PPP1R14C: variants seen among roughly 807,000 people sequenced by gnomAD.
PPP1R14C encodes the protein protein phosphatase 1 regulatory subunit 14C.
PPP1R14C carries 16 observed loss-of-function variants against 20.4 expected under a neutral mutation model. That is an observed-to-expected ratio of 0.78 (90% CI 0.53 to 1.19). The LOEUF (loss-of-function observed/expected upper bound fraction) is 1.19, where lower values mean the gene tolerates loss of function less well. Ranked by LOEUF, PPP1R14C falls within the 50% of genes most tolerant of loss-of-function variation. The probability of loss-of-function intolerance (pLI) is 0.00; values close to 1 mark genes in which losing one functional copy is unlikely to be tolerated. For synonymous variants in PPP1R14C, 91 were observed against 91.0 expected (o/e 1.00, Z 0.00); for missense variants, 211 against 220.1 (o/e 0.96, Z 0.26).
rs566591186 is a variant in PPP1R14C at position 150,197,771 on chromosome 6, G to A, written c.307-16973G>A. Reference sequence around the variant, plus strand: ...TGCCCGGCTTTGTGTGCCCCTGGCCGCCACGGTGGAGGAGGGCCTGGATGC... The same window carrying A: ...TGCCCGGCTTTGTGTGCCCCTGGCCACCACGGTGGAGGAGGGCCTGGATGC... On this transcript the variant is annotated intron_variant, in intron 1 of 3. Coordinates refer to ENST00000361131, the MANE Select transcript of PPP1R14C (RefSeq NM_030949.3). Among the ~76,000 whole-genome samples, 5 of 145,930 alleles carry A rather than the reference G, an allele frequency of 3.4e-5. No homozygotes were observed. The South Asian group carries it at 9.2e-4, about 27-fold the overall frequency.
Position 150,143,332 on chromosome 6 carries a change from C to T in PPP1R14C, c.140C>T (p.Ser47Leu). The change falls in exon 1 of 4, where the codon TCG becomes TTG. Residue 47 changes from serine to leucine, a missense_variant. Physicochemically the swap from Ser to Leu is moderately radical, Grantham distance 145. Coordinates refer to ENST00000361131, the MANE Select transcript of PPP1R14C (RefSeq NM_030949.3). The surrounding 1 kb of genome is among the most constrained non-coding windows in gnomAD (Gnocchi z 5.6). ...GGCTCAGGCTCCTCCCGGGAGGACTCGGCGCCCGTGGCCACGGCGGCCGCT... is the reference window on the plus strand; with the variant it reads ...GGCTCAGGCTCCTCCCGGGAGGACTTGGCGCCCGTGGCCACGGCGGCCGCT... ...SSGSGSSREDSAPVATAAAAG... is the reference protein window; with the variant it reads ...SSGSGSSREDLAPVATAAAAG... 6.2e-7 allele frequency: 1 copy of T among 1,603,252 alleles called. No homozygotes were observed. Among genetic ancestry groups the T allele is most frequent in the Non-Finnish European group, 8.5e-7 (1 of 1,176,398 alleles).
At chr6:150,205,743 G>C (rs1777939968) in intron 1 of PPP1R14C, among the ~76,000 whole-genome samples, 1 of 147,736 alleles carries the variant, frequency 6.8e-6, no homozygotes, top group African/African-American at 2.5e-5. Flanking sequence ...AGTGAGCCGA[G>C]ATAGCACCAC....
chr6:150,190,579 A>C (rs1221970898), intron 1 of PPP1R14C, among the ~76,000 whole-genome samples: 1 of 152,038 alleles, frequency 6.6e-6, no homozygotes, highest in Admixed American at 6.6e-5. Flanking sequence ...GGCGCATGCC[A>C]GCACACCCAG....
Position 150,143,589 on chromosome 6 carries a change from G to C in PPP1R14C, c.306+91G>C. 1.1e-6 allele frequency: 1 copy of C among 940,222 alleles called. No individual in the cohort carries two copies. The highest frequency in any genetic ancestry group is 1.6e-6 in the Non-Finnish European group (1 of 636,452). 58.2% of individuals were successfully genotyped at this position (940,222 alleles called of 1,614,324 possible). ...TTCCCGGGCTCCAGCTCCGGGGCGC[G>C]CATGTCCCTGACTCCCGGGGACCAA... is the stretch of plus-strand genomic sequence containing the variant. On this transcript the variant is annotated intron_variant, in intron 1 of 3. Transcript: ENST00000361131. This position sits in a 1 kb window ranked among gnomAD's most constrained non-coding sequence, Gnocchi z 5.6.
chr6:150,224,337 CT>C (rs761584059), intron 3 of PPP1R14C, among the ~76,000 whole-genome samples: 2 of 152,134 alleles, frequency 1.3e-5, no homozygotes, highest in Non-Finnish European at 2.9e-5. Context: ...GGTCTTTTGT[CT>C]TTCTATATAA....
intron 1 of PPP1R14C, among the ~76,000 whole-genome samples, chr6:150,211,093 C>A (rs1045301529): frequency 6.6e-6 from 1 of 152,162 alleles, no homozygotes; most frequent in African/African-American, 2.4e-5. Flanking sequence ...CTGTGTGCAA[C>A]TTCCCTGCCT....
intron 1 of PPP1R14C, among the ~76,000 whole-genome samples, chr6:150,202,569 T>G (rs919809630): frequency 6.6e-6 from 1 of 152,244 alleles, no homozygotes; most frequent in Admixed American, 6.5e-5. Flanking sequence ...TTCGGCCGAC[T>G]TTGCCGCTCC....
chr6:150,180,654 T>C (rs1777611209), intron 1 of PPP1R14C, among the ~76,000 whole-genome samples: 1 of 152,172 alleles, frequency 6.6e-6, no homozygotes, highest in African/African-American at 2.4e-5. Context: ...TTTAGGCATG[T>C]GTCTTGAGGT....
At chr6:150,170,317 C>A (rs570914053) in intron 1 of PPP1R14C, among the ~76,000 whole-genome samples, 2 of 142,908 alleles carry the variant, frequency 1.4e-5, no homozygotes, top group African/African-American at 5.1e-5. Flanking sequence ...GTGCTAGTTA[C>A]TTTTTTTTTT....
At chr6:150,238,758 G>T (rs1778396358) in intron 3 of PPP1R14C, among the ~76,000 whole-genome samples, 1 of 152,230 alleles carries the variant, frequency 6.6e-6, no homozygotes, top group African/African-American at 2.4e-5. Context: ...CATGGGCTCA[G>T]TACATACTTA....
chr6:150,172,553 C>T (rs1777511722), intron 1 of PPP1R14C, among the ~76,000 whole-genome samples: 1 of 152,166 alleles, frequency 6.6e-6, no homozygotes, highest in Admixed American at 6.5e-5. Context: ...GTGTGACTTA[C>T]TCAATTCATC....
intron 1 of PPP1R14C, among the ~76,000 whole-genome samples, chr6:150,159,717 C>T (rs138496392): frequency 6.8e-4 from 103 of 152,132 alleles, no homozygotes; most frequent in African/African-American, 2.4e-3. Context: ...TACTCTGCAA[C>T]AGGTTTTACC....
chr6:150,162,101 G>C (rs1777376101), intron 1 of PPP1R14C, among the ~76,000 whole-genome samples: 1 of 150,988 alleles, frequency 6.6e-6, no homozygotes, highest in South Asian at 2.1e-4. Flanking sequence ...TGTCACCCAG[G>C]CTGGGTGCAG....
chr6:150,195,355 A>AT (rs1777790687), intron 1 of PPP1R14C: 1 of 186,610 alleles, frequency 5.4e-6, no homozygotes, highest in South Asian at 1.8e-4. Flanking sequence ...CTGGATTGAC[A>AT]TGTTTTGTTT....
chr6:150,249,421 G>T lies in PPP1R14C; in HGVS notation c.*601G>T. Reference sequence around the variant, plus strand: ...TTCAACGTTCACTTTATGCACCAAAGTGAAAGAATTCAGTGTATCCGTTAT... The same window carrying T: ...TTCAACGTTCACTTTATGCACCAAATTGAAAGAATTCAGTGTATCCGTTAT... On this transcript the variant is annotated 3_prime_UTR_variant, in exon 4 of 4. Coordinates refer to ENST00000361131, the MANE Select transcript of PPP1R14C (RefSeq NM_030949.3). The T allele has an allele frequency of 2.5e-6, 1 of 398,684 alleles. No individual in the cohort carries two copies. The highest frequency in any genetic ancestry group is 4.4e-6 in the Non-Finnish European group (1 of 226,062). 24.7% of individuals were successfully genotyped at this position (398,684 alleles called of 1,614,324 possible).
rs139925957 is a variant in PPP1R14C, at chr6:150,197,317, T to C, written c.307-17427T>C. 3.5e-4 allele frequency among the ~76,000 whole-genome samples: 54 copies of C among 152,358 alleles called. 2 individuals are homozygous for C. In the East Asian group the frequency reaches 9.3e-3, roughly 26 times the overall value. On this transcript the variant is annotated intron_variant, in intron 1 of 3. Coordinates refer to ENST00000361131, the MANE Select transcript of PPP1R14C (RefSeq NM_030949.3). ...CCAATTCATGGGAACAGCTGGACTT[T>C]CTAGCCACTGTCGTTGGTCTAGGAA...
chr6:150,191,794 T>C (rs770096349), intron 1 of PPP1R14C, among the ~76,000 whole-genome samples: 2 of 152,226 alleles, frequency 1.3e-5, no homozygotes, highest in Non-Finnish European at 2.9e-5. Flanking sequence ...CTTATGCACA[T>C]TGAATGTGGT....
intron 1 of PPP1R14C, among the ~76,000 whole-genome samples, chr6:150,188,164 A>G (rs1273145375): frequency 6.6e-6 from 1 of 152,214 alleles, no homozygotes; most frequent in Non-Finnish European, 1.5e-5. Flanking sequence ...TCAAAATTTA[A>G]CCTTGTATTT....
At chr6:150,216,360 G>A (rs1420595028) in intron 2 of PPP1R14C, among the ~76,000 whole-genome samples, 1 of 152,132 alleles carries the variant, frequency 6.6e-6, no homozygotes, top group Non-Finnish European at 1.5e-5. Flanking sequence ...GCCGGGTGTG[G>A]TGGTGCACAC....
Sources: gnomAD v4.1 joint callset for allele counts (sites outside exome capture counted in the v4.1 genomes callset) on GRCh38, gnomAD v4.1.1 for gene constraint, Gnocchi (gnomAD v3.1) non-coding constraint, MANE v1.5 for transcripts, NCBI Gene and HGNC (gene_info 2026-07-23, HGNC 2026-07-21) for gene names.